Variants in FANCM observed in about 807,000 individuals in gnomAD.
The protein encoded by FANCM is FA complementation group M, also known as Fanconi anemia group M protein.
FANCM carries 140 observed loss-of-function variants against 199.5 expected under a neutral mutation model. That is an observed-to-expected ratio of 0.70 (90% CI 0.61 to 0.81). The LOEUF (loss-of-function observed/expected upper bound fraction) is 0.81. FANCM is among the 30% of genes least tolerant of loss of function. The pLI is 0.00. For synonymous variants in FANCM, 840 were observed against 836.8 expected (o/e 1.00, Z -0.07); for missense variants, 2,410 against 2,421.4 (o/e 1.00, Z 0.10).
rs1594481117 is a variant in FANCM at position 45,196,246 on chromosome 14, A to G, written c.5415A>G (p.Thr1805=). ...CSKSRPHLAG[T]HTSLRLPQEG... is the part of the protein sequence containing the mutation. ...AGTCAAGACCACATTTAGCTGGGAC[A>G]CATACTTCTCTTAGACTTCCGCAGG... Residue 1805 remains threonine, a synonymous_variant, in exon 21 of 23, where the codon ACA becomes ACG. Coordinates refer to ENST00000267430, the MANE Select transcript of FANCM (RefSeq NM_020937.4). 3.7e-6 allele frequency: 6 copies of G among 1,614,086 alleles called. No homozygotes were observed. The highest frequency in any genetic ancestry group is 4.2e-6 in the Non-Finnish European group (5 of 1,179,918).
At chr14:45,177,000 C>A in intron 14 of FANCM, 24 bp downstream of exon 14, 1 of 1,400,534 alleles carries the variant, frequency 7.1e-7, no homozygotes, top group South Asian at 1.2e-5. Context: ...TTTATAAAGT[C>A]TATAACTCTT....
At position 45,189,222 on chromosome 14, in the gene FANCM, AC is replaced by A. The variant is rs2139297782; in HGVS notation, c.5201del (p.Thr1734AsnfsTer3). 10 of 1,614,150 alleles carry A rather than the reference AC, an allele frequency of 6.2e-6. No homozygotes were observed. Among genetic ancestry groups the A allele is most frequent in the Non-Finnish European group, 8.5e-6 (10 of 1,180,010 alleles). The stretch of plus-strand genomic sequence containing the variant: ...TCCATTAGCAAAGCAGAGCAAACAG[AC>A]ATCGCTGAATTTAAAGGATACAATT... The part of the protein sequence containing the change: ...VNPLAKQSKQ[T>X]SLNLKDTISE... On this transcript the variant is annotated frameshift_variant, in exon 20 of 23. Coordinates refer to ENST00000267430, the MANE Select transcript of FANCM (RefSeq NM_020937.4). LOFTEE classifies it high-confidence loss of function.
At chr14:45,150,065 G>A (rs1355936909) in intron 4 of FANCM, among the ~76,000 whole-genome samples, 1 of 152,150 alleles carries the variant, frequency 6.6e-6, no homozygotes, top group Non-Finnish European at 1.5e-5. Flanking sequence ...CATAATTAGT[G>A]TCATGGTTGA....
intron 20 of FANCM, among the ~76,000 whole-genome samples, chr14:45,190,534 T>C (rs1371090281): frequency 5.3e-5 from 8 of 152,150 alleles, no homozygotes; most frequent in Non-Finnish European, 1.0e-4. Flanking sequence ...TCTTCTTATC[T>C]GAAATTTTGT....
chr14:45,152,668 A>G (rs1886908882), intron 5 of FANCM, among the ~76,000 whole-genome samples: 1 of 152,244 alleles, frequency 6.6e-6, no homozygotes. Context: ...TGTGGGAGAC[A>G]GTGAGCAGAC....
intron 3 of FANCM, among the ~76,000 whole-genome samples, chr14:45,147,564 T>G (rs989500583): frequency 2.0e-5 from 3 of 152,108 alleles, no homozygotes; most frequent in Non-Finnish European, 2.9e-5. Flanking sequence ...ATTACACCCT[T>G]AGGCGTGAGC....
chr14:45,146,403 A>C (rs929447007), intron 3 of FANCM, among the ~76,000 whole-genome samples: 3 of 152,002 alleles, frequency 2.0e-5, no homozygotes, highest in Non-Finnish European at 2.9e-5. Flanking sequence ...TGTGTGGGCG[A>C]TTATCTGTAT....
In FANCM at chr14:45,154,182, C is replaced by G. The variant is rs535598993; in HGVS notation, c.1183+130C>G. 1.9e-5 allele frequency: 12 copies of G among 632,496 alleles called. No individual in the cohort carries two copies. The African/African-American group carries it at 2.2e-4, about 12-fold the overall frequency. 39.2% of individuals were successfully genotyped at this position (632,496 alleles called of 1,614,324 possible). A position where few individuals can be genotyped will look rare whatever the true frequency, so the allele number is the denominator to read the frequency against. On this transcript the variant is annotated intron_variant, in intron 6 of 22. Coordinates refer to ENST00000267430, the MANE Select transcript of FANCM (RefSeq NM_020937.4). ...TTGGGAAGCCGAGGTGGGTGGATCA[C>G]TTGAGGTCAGGAGTTCAAGACCAGC...
intron 14 of FANCM, among the ~76,000 whole-genome samples, chr14:45,179,950 C>G (rs1202108087): frequency 6.6e-6 from 1 of 152,030 alleles, no homozygotes; most frequent in African/African-American, 2.4e-5. Context: ...TTCTTTAAGC[C>G]CTCACCCACC....
intron 9 of FANCM, among the ~76,000 whole-genome samples, chr14:45,163,564 A>C (rs1449943747): frequency 6.6e-6 from 1 of 152,226 alleles, no homozygotes; most frequent in Admixed American, 6.5e-5. Flanking sequence ...TGGTTTCATT[A>C]AACTGATCAG....
chr14:45,200,445 A>C lies in FANCM; in HGVS notation c.*437A>C, dbSNP rs1224553896. ...CTGATTCTAAATACATGTACTTGGT[A>C]AGGTGTGGGTGATGGGTGGGTTGTG... On this transcript the variant is annotated 3_prime_UTR_variant, in exon 23 of 23. Coordinates refer to ENST00000267430, the MANE Select transcript of FANCM (RefSeq NM_020937.4). The C allele has an allele frequency of 6.5e-6, 1 of 153,882 alleles. No individual in the cohort carries two copies. The highest frequency in any genetic ancestry group is 1.4e-5 in the Non-Finnish European group (1 of 69,422). 9.5% of individuals were successfully genotyped at this position (153,882 alleles called of 1,614,324 possible).
At chr14:45,183,166 C>T (rs2139275879) in intron 16 of FANCM, among the ~76,000 whole-genome samples, 1 of 152,280 alleles carries the variant, frequency 6.6e-6, no homozygotes, top group East Asian at 1.9e-4. Context: ...TTAACTAGAA[C>T]ATCTGATTGA....
chr14:45,163,482 A>C (rs1384622993), intron 9 of FANCM, among the ~76,000 whole-genome samples: 1 of 152,252 alleles, frequency 6.6e-6, no homozygotes, highest in Non-Finnish European at 1.5e-5. Context: ...GGCTCAGAGC[A>C]GTTGAGAACT....
intron 3 of FANCM, among the ~76,000 whole-genome samples, chr14:45,146,339 T>G (rs1886382305): frequency 6.6e-6 from 1 of 152,210 alleles, no homozygotes; most frequent in Non-Finnish European, 1.5e-5. Context: ...CACTTGATTT[T>G]TGGTTCTTAT....
chr14:45,168,641 A>G (rs1349835483), intron 11 of FANCM, among the ~76,000 whole-genome samples: 2 of 150,124 alleles, frequency 1.3e-5, no homozygotes, highest in African/African-American at 4.9e-5. Context: ...TGATTTATGT[A>G]TGGAATAATT....
Position 45,176,996 on chromosome 14 carries a change from A to G in FANCM, c.4222+20A>G. ...TTGAAGGTAAGATTCCATCTTTATA[A>G]AGTCTATAACTCTTTCTAGAATAAT... is the stretch of plus-strand genomic sequence containing the variant. On this transcript the variant is annotated intron_variant, in intron 14 of 22. Coordinates refer to ENST00000267430, the MANE Select transcript of FANCM (RefSeq NM_020937.4). The G allele has an allele frequency of 7.0e-7, 1 of 1,434,582 alleles. No homozygotes were observed. Among genetic ancestry groups the G allele is most frequent in the Non-Finnish European group, 9.8e-7 (1 of 1,018,406 alleles). The allele number at this position is 1,434,582 out of a possible 1,614,324, so 88.9% of individuals were successfully genotyped here.
intron 13 of FANCM, 39 bp from the exon 14 acceptor site, chr14:45,175,032 T>C (rs56166825): frequency 7.3e-7 from 1 of 1,364,810 alleles, no homozygotes; most frequent in Non-Finnish European, 1.0e-6. Flanking sequence ...CTGTTTTGTT[T>C]TGTTTTCCTG....
intron 20 of FANCM, among the ~76,000 whole-genome samples, chr14:45,191,622 A>G (rs1889771184): frequency 6.6e-6 from 1 of 152,238 alleles, no homozygotes; most frequent in Non-Finnish European, 1.5e-5. Context: ...GGACTATGAA[A>G]AGGGATCAGT....
chr14:45,154,758 T>C lies in FANCM; in HGVS notation c.1245T>C (p.His415=). ...AAGACTTCATGAAACTCTATAATCA[T>C]CTAGAGTGTATGTTTGCACGTACAC... The part of the protein sequence containing the change: ...RNEDFMKLYN[H]LECMFARTRS... The change falls in exon 7 of 23, where the codon CAT becomes CAC. Residue 415 remains histidine, a synonymous_variant. Coordinates refer to ENST00000267430, the MANE Select transcript of FANCM (RefSeq NM_020937.4). The C allele has an allele frequency of 6.2e-7, 1 of 1,605,088 alleles. No individual in the cohort carries two copies. Among genetic ancestry groups the C allele is most frequent in the Non-Finnish European group, 8.5e-7 (1 of 1,173,128 alleles).
Sources: gnomAD v4.1 joint callset for allele counts (sites outside exome capture counted in the v4.1 genomes callset) on GRCh38, gnomAD v4.1.1 for gene constraint, MANE v1.5 for transcripts, NCBI Gene and HGNC (gene_info 2026-07-23, HGNC 2026-07-21) for gene names.